RRM2B: variants seen among roughly 807,000 people sequenced by gnomAD.
RRM2B encodes ribonucleoside-diphosphate reductase subunit M2 B.
RRM2B carries 20 observed loss-of-function variants against 45.9 expected under a neutral mutation model. The observed-to-expected ratio is 0.44, with a 90% CI of 0.31 to 0.63. The LOEUF is 0.63. Ranked by LOEUF, RRM2B falls within the 30% of genes least tolerant of loss-of-function variation. The pLI, the probability that RRM2B is intolerant of heterozygous loss-of-function variation, is 0.09. For missense variants in RRM2B, 320 were observed against 414.7 expected, an observed-to-expected ratio of 0.77 and a Z score of 1.98; for synonymous variants, 124 against 132.3, an observed-to-expected ratio of 0.94 and a Z score of 0.43.
chr8:102,209,463 A>G (rs894600441), intron 8 of RRM2B, among the ~76,000 whole-genome samples: 2 of 152,184 alleles, frequency 1.3e-5, no homozygotes, highest in Non-Finnish European at 2.9e-5. Context: ...TCGGATGGCT[A>G]TAATTTTTTA....
chr8:102,213,064 T>C (rs1810663035), intron 7 of RRM2B, among the ~76,000 whole-genome samples, 175 bp from the exon 8 acceptor site: 1 of 152,180 alleles, frequency 6.6e-6, no homozygotes, highest in Non-Finnish European at 1.5e-5. Context: ...ACATTTGGGG[T>C]ATTAACTATT....
At chr8:102,223,740 C>T (rs28928576) in intron 5 of RRM2B, among the ~76,000 whole-genome samples, 1 of 151,370 alleles carries the variant, frequency 6.6e-6, no homozygotes, top group African/African-American at 2.4e-5. Context: ...AACTTAAAAG[C>T]CAGATACAAA....
intron 5 of RRM2B, 23 bp downstream of exon 5, chr8:102,224,023 A>T: frequency 6.6e-7 from 1 of 1,518,918 alleles, no homozygotes; most frequent in Non-Finnish European, 9.1e-7. Flanking sequence ...AAATCTGATC[A>T]TACATAAATT....
At chr8:102,236,879 G>C (rs897683877) in intron 1 of RRM2B, among the ~76,000 whole-genome samples, 2 of 152,140 alleles carry the variant, frequency 1.3e-5, no homozygotes, top group African/African-American at 4.8e-5. Context: ...TTTAGGTCAA[G>C]ATTTCCCAGC....
In RRM2B at chr8:102,218,954, G is replaced by A; in HGVS notation, c.551-7C>T. 8.7e-6 allele frequency: 14 copies of A among 1,612,716 alleles called. No individual in the cohort carries two copies. Among genetic ancestry groups the A allele is most frequent in the Non-Finnish European group, 1.1e-5 (13 of 1,179,040 alleles). ...AAGGCCACCACTCTTTCCCCTGGGA[G>A]ACATAAAATCGTTTCAATTTTTGAA... is the stretch of plus-strand genomic sequence containing the variant. On this transcript the variant is annotated splice_region_variant and splice_polypyrimidine_tract_variant and intron_variant, in intron 5 of 8. Transcript: ENST00000251810.
chr8:102,224,213 G>A (rs531128004), intron 4 of RRM2B, 73 bp from the exon 5 acceptor site: 20 of 1,023,992 alleles, frequency 2.0e-5, no homozygotes, highest in South Asian at 2.5e-5. Flanking sequence ...ACAGAGTCTC[G>A]CTCTGTTGCC....
intron 1 of RRM2B, among the ~76,000 whole-genome samples, chr8:102,233,568 A>G (rs894224679): frequency 2.6e-5 from 4 of 152,190 alleles, no homozygotes; most frequent in African/African-American, 9.7e-5. Context: ...TTAACATAGG[A>G]CCACAATACA....
intron 8 of RRM2B, among the ~76,000 whole-genome samples, chr8:102,212,055 C>A (rs760966925): frequency 5.3e-5 from 8 of 152,106 alleles, no homozygotes; most frequent in Non-Finnish European, 2.9e-5. Flanking sequence ...TTCTGTGTTT[C>A]ACTTAAGTAC....
chr8:102,227,933 C>G (rs1413874928), intron 2 of RRM2B, among the ~76,000 whole-genome samples: 1 of 152,164 alleles, frequency 6.6e-6, no homozygotes, highest in Non-Finnish European at 1.5e-5. Context: ...TACCATCACA[C>G]AGCATATATA....
At chr8:102,213,142 G>A (rs1451210355) in intron 7 of RRM2B, among the ~76,000 whole-genome samples, 2 of 152,058 alleles carry the variant, frequency 1.3e-5, no homozygotes, top group Non-Finnish European at 2.9e-5. Flanking sequence ...TGGATTTCTT[G>A]AAGTAGCAGA....
intron 6 of RRM2B, among the ~76,000 whole-genome samples, chr8:102,217,954 A>G (rs1404044648): frequency 6.6e-6 from 1 of 152,334 alleles, no homozygotes; most frequent in East Asian, 1.9e-4. Flanking sequence ...AATGATTCCT[A>G]AATTTAAATT....
At position 102,204,683 on chromosome 8, in the gene RRM2B, G is replaced by T. The variant is rs1810513518; in HGVS notation, c.*3450C>A. On this transcript the variant is annotated 3_prime_UTR_variant, in exon 9 of 9. Transcript: ENST00000251810. ...AATTCTGTACATGCAGGCTTGGCTT[G>T]ATTGACCATAATGTATTTCAGCAAA... is the stretch of plus-strand genomic sequence containing the variant. 6.6e-6 allele frequency: 1 copy of T among 151,898 alleles called. No individual in the cohort carries two copies. The highest frequency in any genetic ancestry group is 1.5e-5 in the Non-Finnish European group (1 of 67,988). The allele number at this position is 151,898 out of a possible 1,614,324, so 9.4% of individuals were successfully genotyped here. A position where few individuals can be genotyped will look rare whatever the true frequency, so the allele number is the denominator to read the frequency against.
chr8:102,232,418 C>T (rs1334596885), intron 1 of RRM2B, 114 bp from the exon 2 acceptor site: 2 of 1,051,662 alleles, frequency 1.9e-6, no homozygotes, highest in African/African-American at 1.6e-5. Flanking sequence ...AGCCTGTCTG[C>T]CTGGGTTGAA....
chr8:102,238,802 G>A (rs760767849), intron 1 of RRM2B, 25 bp downstream of exon 1: 5 of 1,613,680 alleles, frequency 3.1e-6, no homozygotes, highest in Non-Finnish European at 3.4e-6. Context: ...TGCGGTGAGG[G>A]GGAAGACGCA....
At chr8:102,229,704 C>T in intron 2 of RRM2B, among the ~76,000 whole-genome samples, 1 of 152,072 alleles carries the variant, frequency 6.6e-6, no homozygotes, top group East Asian at 1.9e-4. Flanking sequence ...CCTGCCTCAA[C>T]CTCCTGAGTA....
At chr8:102,224,696 T>C (rs1810896260) in intron 4 of RRM2B, among the ~76,000 whole-genome samples, 189 bp downstream of exon 4, 1 of 152,182 alleles carries the variant, frequency 6.6e-6, no homozygotes, top group South Asian at 2.1e-4. Context: ...AGATAAAATA[T>C]CTAAAGGTTA....
intron 5 of RRM2B, 52 bp downstream of exon 5, chr8:102,223,994 C>T: frequency 1.6e-6 from 2 of 1,252,382 alleles, no homozygotes; most frequent in Non-Finnish European, 2.3e-6. Flanking sequence ...ACATAAAATA[C>T]TGTCATATCA....
At chr8:102,216,902 G>C (rs1164446361) in intron 6 of RRM2B, among the ~76,000 whole-genome samples, 1 of 151,898 alleles carries the variant, frequency 6.6e-6, no homozygotes, top group Non-Finnish European at 1.5e-5. Flanking sequence ...TGCTAGATGG[G>C]GCTGAAAATT....
intron 2 of RRM2B, among the ~76,000 whole-genome samples, chr8:102,226,425 TAAG>T (rs1243744314): frequency 6.6e-6 from 1 of 151,738 alleles, no homozygotes; most frequent in Non-Finnish European, 1.5e-5. Context: ...TCTGGCTAAT[TAAG>T]AAGCTGGCCA....
Sources: gnomAD v4.1 joint callset for allele counts (sites outside exome capture counted in the v4.1 genomes callset) on GRCh38, gnomAD v4.1.1 for gene constraint, MANE v1.5 for transcripts, NCBI Gene and HGNC (gene_info 2026-07-23, HGNC 2026-07-21) for gene names.